The following ATP11C variants were observed in gnomAD, a reference collection of about 807,000 sequenced individuals.
ATP11C encodes the protein ATPase phospholipid transporting 11C (ATP11C blood group), also known as phospholipid-transporting ATPase IG.
ATP11C carries 36 observed loss-of-function variants against 97.4 expected under a neutral mutation model. The observed-to-expected ratio is 0.37, with a 90% CI of 0.28 to 0.49. The LOEUF (loss-of-function observed/expected upper bound fraction) is 0.49, where lower values mean the gene tolerates loss of function less well. Ranked by LOEUF, ATP11C falls within the 20% of genes least tolerant of loss-of-function variation. ATP11C has a pLI of 0.98. For missense variants in ATP11C, 730 were observed against 824.6 expected (o/e 0.89, Z 1.40); for synonymous variants, 275 against 290.9 (o/e 0.95, Z 0.56).
At chrX:139,904,864 G>C (rs1258948780) in intron 1 of ATP11C, among the ~76,000 whole-genome samples, 1 of 112,155 alleles carries the variant, frequency 8.9e-6, no homozygotes, top group Admixed American at 9.5e-5. Flanking sequence ...TACTGTTGCA[G>C]GCAGGCATGC....
chrX:139,794,051 A>C (rs780501185), intron 12 of ATP11C, among the ~76,000 whole-genome samples: 43 of 112,178 alleles, frequency 3.8e-4, no homozygotes, highest in African/African-American at 1.4e-3. Context: ...GGCGACACAA[A>C]GAAGAGTAGC....
intron 20 of ATP11C, among the ~76,000 whole-genome samples, chrX:139,765,955 T>G (rs780900359): frequency 8.9e-6 from 1 of 112,135 alleles, no homozygotes; most frequent in Non-Finnish European, 1.9e-5. Context: ...GTATGTGGTA[T>G]GTGGGAAGGC....
intron 1 of ATP11C, among the ~76,000 whole-genome samples, chrX:139,856,269 G>A (rs1288610580): frequency 8.9e-6 from 1 of 112,568 alleles, no homozygotes; most frequent in Non-Finnish European, 1.9e-5. Flanking sequence ...GCTATATCTT[G>A]AAGTTCGGCA....
At position 139,932,140 on chromosome X, in the gene ATP11C, G is replaced by A. The variant is rs1485275335; in HGVS notation, c.-98C>T. On this transcript the variant is annotated 5_prime_UTR_variant, in exon 1 of 30. Coordinates refer to ENST00000682941, the MANE Select transcript of ATP11C (RefSeq NM_001353812.2). The stretch of plus-strand genomic sequence containing the variant: ...CTGCGGCGTGGGCCGGCGGCGCCAA[G>A]CGGAGCAGCGAGGCGGGCGGCCGGG... 5.7e-6 allele frequency: 5 copies of A among 870,434 alleles called. No homozygotes were observed. In the Admixed American group the frequency reaches 2.6e-4, roughly 45 times the overall value. The allele number at this position is 870,434 out of a possible 1,213,427, so 71.7% of individuals were successfully genotyped here.
At chrX:139,898,336 A>T (rs2084843423) in intron 1 of ATP11C, among the ~76,000 whole-genome samples, 1 of 111,936 alleles carries the variant, frequency 8.9e-6, no homozygotes, top group South Asian at 3.7e-4. Flanking sequence ...AAGACAAGCA[A>T]ATCTTTAGGG....
chrX:139,763,720 T>C (rs892190680), intron 20 of ATP11C, among the ~76,000 whole-genome samples: 11 of 112,343 alleles, frequency 9.8e-5, no homozygotes, highest in Admixed American at 1.9e-4. Context: ...ATTATTTTTA[T>C]TGTTATACTG....
intron 18 of ATP11C, among the ~76,000 whole-genome samples, chrX:139,779,516 CA>C (rs1198168880): frequency 4.5e-5 from 5 of 111,301 alleles, no homozygotes; most frequent in Admixed American, 3.8e-4. Context: ...AGGCAGAAAC[CA>C]AAAAACAATT....
At position 139,741,056 on chromosome X, in the gene ATP11C, G is replaced by C; in HGVS notation, c.3069C>G (p.His1023Gln). 2.5e-6 allele frequency: 3 copies of C among 1,206,685 alleles called. No individual in the cohort carries two copies. The highest frequency in any genetic ancestry group is 3.5e-5 in the South Asian group (2 of 56,787). Residue 1023 changes from histidine (H) to glutamine (Q), a missense_variant, in exon 27 of 30, where the codon CAC (histidine) becomes CAG (glutamine). His to Gln is a conservative substitution (Grantham distance 24). Transcript: ENST00000682941. ...AGGCTAAAGAACCCCAAATCACAAAGTGATTTATCCACGTCCAGAATCGGG... is the reference window on the plus strand; with the variant it reads ...AGGCTAAAGAACCCCAAATCACAAACTGATTTATCCACGTCCAGAATCGGG... ...LDTRFWTWIN[H>Q]FVIWGSLAFY...
At chrX:139,890,447 G>A (rs1174915383) in intron 1 of ATP11C, among the ~76,000 whole-genome samples, 3 of 111,031 alleles carry the variant, frequency 2.7e-5, no homozygotes, top group Non-Finnish European at 5.7e-5. Flanking sequence ...TGGAAGGATC[G>A]CTTGAGCCTA....
At chrX:139,915,409 C>A (rs916434507) in intron 1 of ATP11C, among the ~76,000 whole-genome samples, 7 of 111,762 alleles carry the variant, frequency 6.3e-5, no homozygotes, top group Admixed American at 3.8e-4. Context: ...GTGGCTCACA[C>A]CTATAATCTC....
chrX:139,936,876 C>A, upstream of ATP11C, among the ~76,000 whole-genome samples: 1 of 110,121 alleles, frequency 9.1e-6, no homozygotes, highest in Non-Finnish European at 1.9e-5. Flanking sequence ...GGGAGCGGTG[C>A]GAAGGAGTCA....
chrX:139,775,076 G>C, intron 18 of ATP11C, 123 bp from the exon 19 acceptor site: 1 of 709,219 alleles, frequency 1.4e-6, no homozygotes, highest in Non-Finnish European at 2.0e-6. Context: ...ACCTTATCAC[G>C]GTTGACTTTC....
At chrX:139,934,176 G>C (rs1351818902), upstream of ATP11C, among the ~76,000 whole-genome samples, 2 of 111,768 alleles carry the variant, frequency 1.8e-5, no homozygotes, top group Non-Finnish European at 3.8e-5. Context: ...CGCCCAGGAC[G>C]TGTAGGTAAG....
intron 12 of ATP11C, among the ~76,000 whole-genome samples, chrX:139,790,497 C>T (rs2082670060): frequency 9.1e-6 from 1 of 110,300 alleles, no homozygotes; most frequent in Admixed American, 9.7e-5. Context: ...CACACACACA[C>T]TCTTACACTT....
At chrX:139,931,908 T>C in intron 1 of ATP11C, 108 bp downstream of exon 1, 1 of 925,999 alleles carries the variant, frequency 1.1e-6, no homozygotes, top group Non-Finnish European at 1.4e-6. Context: ...GGTGGTGGTG[T>C]CTCCCAGAGA....
Position 139,832,052 on chromosome X carries a change from G to A in ATP11C, c.28-5229C>T. 6 of 888,953 alleles carry A rather than the reference G, an allele frequency of 6.7e-6. No individual in the cohort carries two copies. In the South Asian group the frequency reaches 1.6e-4, roughly 24 times the overall value. The allele number at this position is 888,953 out of a possible 1,213,427, so 73.3% of individuals were successfully genotyped here. A position where few individuals can be genotyped will look rare whatever the true frequency, so the allele number is the denominator to read the frequency against. ...CATTTACGATTACCCTCAGGAAATG[G>A]ATAAAAATATACATGCAAATAAAAA... is the stretch of plus-strand genomic sequence containing the variant. On this transcript the variant is annotated intron_variant, in intron 1 of 29. Transcript: ENST00000682941.
chrX:139,883,961 G>T lies in ATP11C; in HGVS notation c.27+48055C>A, dbSNP rs528565878. Reference sequence around the variant, plus strand: ...TCTAAGTTTAACATATTTACTTAAAGACTTCATGGCTAGAAGGAAAGCATA... The same window carrying T: ...TCTAAGTTTAACATATTTACTTAAATACTTCATGGCTAGAAGGAAAGCATA... On this transcript the variant is annotated intron_variant, in intron 1 of 29. Coordinates refer to ENST00000682941, the MANE Select transcript of ATP11C (RefSeq NM_001353812.2). 3.4e-3 allele frequency among the ~76,000 whole-genome samples: 377 copies of T among 111,777 alleles called. 3 individuals carry two copies. Among genetic ancestry groups the T allele is most frequent in the African/African-American group, 0.012 (356 of 30,827 alleles).
At chrX:139,775,161 G>A (rs746376594) in intron 18 of ATP11C, among the ~76,000 whole-genome samples, 9 of 111,927 alleles carry the variant, frequency 8.0e-5, no homozygotes, top group Admixed American at 5.7e-4. Context: ...CAAACAATGA[G>A]GTTCTGAAAA....
chrX:139,906,525 C>T (rs777081492), intron 1 of ATP11C, among the ~76,000 whole-genome samples: 1 of 110,028 alleles, frequency 9.1e-6, no homozygotes. Flanking sequence ...GGCTCACAGC[C>T]GTAATCCCAG....
Sources: allele counts gnomAD v4.1 joint callset (sites outside exome capture counted in the v4.1 genomes callset), GRCh38; gene constraint gnomAD v4.1.1; transcripts MANE v1.5; gene names NCBI Gene and HGNC (gene_info 2026-07-23, HGNC 2026-07-21).